DOCK1: variants seen among roughly 807,000 people sequenced by gnomAD.
DOCK1 encodes dedicator of cytokinesis protein 1.
Under a neutral mutation model 262.7 loss-of-function variants are expected in DOCK1, and 138 were observed. The ratio of observed to expected loss-of-function variants is 0.53; its 90% CI spans 0.46 to 0.61. DOCK1 has a LOEUF of 0.61. Among genes scored for constraint, DOCK1 ranks in the 20% least tolerant of loss-of-function variants. The probability of loss-of-function intolerance (pLI) is 0.00; values close to 1 mark genes in which losing one functional copy is unlikely to be tolerated. For synonymous variants in DOCK1, 866 were observed against 867.4 expected (o/e 1.00, Z 0.03); for missense variants, 1,908 against 2,370.7 (o/e 0.80, Z 4.05).
chr10:127,315,516 C>T (rs1028238061), intron 29 of DOCK1, among the ~76,000 whole-genome samples: 2 of 152,116 alleles, frequency 1.3e-5, no homozygotes, highest in Non-Finnish European at 2.9e-5. Flanking sequence ...GAAACCAACA[C>T]ATCTCACACC....
chr10:127,438,196 C>A (rs2069826142), intron 48 of DOCK1, among the ~76,000 whole-genome samples: 1 of 152,186 alleles, frequency 6.6e-6, no homozygotes, highest in African/African-American at 2.4e-5. Context: ...ACTTCTAGGA[C>A]CAGAAACAGG....
chr10:127,138,174 G>T (rs1203458317), intron 27 of DOCK1, among the ~76,000 whole-genome samples: 1 of 152,168 alleles, frequency 6.6e-6, no homozygotes, highest in Admixed American at 6.5e-5. Flanking sequence ...TTTTAGCTCT[G>T]TGCTCCCGTG....
At chr10:127,022,814 G>C (rs2042535492) in intron 13 of DOCK1, among the ~76,000 whole-genome samples, 1 of 152,158 alleles carries the variant, frequency 6.6e-6, no homozygotes, top group South Asian at 2.1e-4. Flanking sequence ...GATAGTCCTT[G>C]GCTACTGAGG....
intron 49 of DOCK1, among the ~76,000 whole-genome samples, chr10:127,442,868 A>G (rs2134768886): frequency 6.6e-6 from 1 of 152,342 alleles, no homozygotes; most frequent in Non-Finnish European, 1.5e-5. Context: ...AATAATACTC[A>G]GCCACTTTTG....
intron 29 of DOCK1, among the ~76,000 whole-genome samples, chr10:127,288,748 G>C (rs933169388): frequency 6.9e-6 from 1 of 144,190 alleles, no homozygotes; most frequent in African/African-American, 2.6e-5. Flanking sequence ...AGAATACATA[G>C]TATATACTAT....
intron 29 of DOCK1, among the ~76,000 whole-genome samples, chr10:127,310,315 G>T (rs907463237): frequency 3.4e-5 from 4 of 116,302 alleles, no homozygotes. Flanking sequence ...AAGAAATGAA[G>T]CAGCCGAGCC....
chr10:126,932,082 G>A (rs940104728), intron 1 of DOCK1, among the ~76,000 whole-genome samples: 51 of 152,314 alleles, frequency 3.3e-4, no homozygotes, highest in Non-Finnish European at 6.9e-4. Flanking sequence ...GTGGATTCTG[G>A]AAGGTTGAGG....
chr10:127,419,803 G>GTCTA (rs1055611556), intron 46 of DOCK1, 54 bp downstream of exon 46: 1 of 1,532,812 alleles, frequency 6.5e-7, no homozygotes, highest in African/African-American at 1.4e-5. Context: ...AGCTAGGAGG[G>GTCTA]TCTAGGCTCA....
intron 35 of DOCK1, among the ~76,000 whole-genome samples, chr10:127,378,112 G>T (rs2065616562): frequency 6.6e-6 from 1 of 152,140 alleles, no homozygotes. Flanking sequence ...GTCACTTAGT[G>T]CTTCTGTGCA....
At chr10:127,112,635 G>A (rs998349687) in intron 25 of DOCK1, among the ~76,000 whole-genome samples, 4 of 152,154 alleles carry the variant, frequency 2.6e-5, no homozygotes, top group Admixed American at 1.3e-4. Flanking sequence ...TTTGATCTTA[G>A]TATAAGCAAG....
At chr10:127,386,564 A>C (rs1368211923) in intron 38 of DOCK1, among the ~76,000 whole-genome samples, 1 of 151,244 alleles carries the variant, frequency 6.6e-6, no homozygotes, top group Non-Finnish European at 1.5e-5. Context: ...CATACTCCTC[A>C]TGAGAATCTA....
intron 23 of DOCK1, among the ~76,000 whole-genome samples, chr10:127,069,118 A>G (rs1373280487): frequency 1.3e-5 from 2 of 152,202 alleles, no homozygotes; most frequent in African/African-American, 4.8e-5. Flanking sequence ...TTCCTGGGTG[A>G]TGACTCTGTG....
intron 23 of DOCK1, among the ~76,000 whole-genome samples, chr10:127,071,472 A>G (rs745961701): frequency 1.3e-5 from 2 of 152,194 alleles, no homozygotes; most frequent in Non-Finnish European, 2.9e-5. Context: ...AATGAAAATC[A>G]TCTCTCTTCC....
chr10:127,161,507 A>C (rs1416526305), intron 27 of DOCK1, among the ~76,000 whole-genome samples: 5 of 152,232 alleles, frequency 3.3e-5, no homozygotes, highest in African/African-American at 1.2e-4. Context: ...TGTTAGTGGT[A>C]AAAACTGAAG....
chr10:127,351,776 G>T (rs953366695), intron 31 of DOCK1, among the ~76,000 whole-genome samples: 1 of 152,060 alleles, frequency 6.6e-6, no homozygotes, highest in African/African-American at 2.4e-5. Context: ...TCTGGTGACA[G>T]CTGTGACTTT....
At chr10:126,948,668 G>A (rs1207861215) in intron 1 of DOCK1, among the ~76,000 whole-genome samples, 1 of 151,960 alleles carries the variant, frequency 6.6e-6, no homozygotes, top group Non-Finnish European at 1.5e-5. Context: ...TGAGCCAGAG[G>A]CACTGCTTCC....
intron 27 of DOCK1, among the ~76,000 whole-genome samples, chr10:127,224,318 TG>T (rs2058554827): frequency 6.6e-6 from 1 of 152,280 alleles, no homozygotes; most frequent in East Asian, 1.9e-4. Flanking sequence ...CCTAGTACTT[TG>T]GGAGGCTGAG....
At chr10:127,275,328 C>A (rs564684303) in intron 29 of DOCK1, among the ~76,000 whole-genome samples, 1 of 151,984 alleles carries the variant, frequency 6.6e-6, no homozygotes, top group South Asian at 2.1e-4. Context: ...AGAGAAGTAA[C>A]CAAAGGATTT....
chr10:127,261,376 G>T (rs1448057660), intron 29 of DOCK1, among the ~76,000 whole-genome samples: 22 of 69,116 alleles, frequency 3.2e-4, no homozygotes, highest in Non-Finnish European at 3.6e-4. Flanking sequence ...TGTGCATGTG[G>T]GTGTGTGTGT....
Sources: allele counts gnomAD v4.1 joint callset (sites outside exome capture counted in the v4.1 genomes callset), GRCh38; gene constraint gnomAD v4.1.1; transcripts MANE v1.5; gene names NCBI Gene and HGNC (gene_info 2026-07-23, HGNC 2026-07-21).